GOLGB1: variants seen among roughly 807,000 people sequenced by gnomAD.
The protein encoded by GOLGB1 is golgin subfamily B member 1.
GOLGB1 carries 174 observed loss-of-function variants against 336.9 expected under a neutral mutation model. The observed-to-expected ratio is 0.52, with a 90% CI of 0.46 to 0.59. The LOEUF (loss-of-function observed/expected upper bound fraction) is 0.59. Ranked by LOEUF, GOLGB1 falls within the 20% of genes least tolerant of loss-of-function variation. GOLGB1 has a pLI of 0.00. For missense variants in GOLGB1, 3,331 were observed against 3,645.3 expected, an observed-to-expected ratio of 0.91 and a Z score of 2.22; for synonymous variants, 1,208 against 1,289.2, an observed-to-expected ratio of 0.94 and a Z score of 1.35.
At chr3:121,683,557 T>A (rs1413096206) in intron 14 of GOLGB1, among the ~76,000 whole-genome samples, 1 of 152,096 alleles carries the variant, frequency 6.6e-6, no homozygotes, top group Admixed American at 6.5e-5. Context: ...CGTTGGTAAG[T>A]CCTACCCACA....
intron 13 of GOLGB1, among the ~76,000 whole-genome samples, chr3:121,693,419 C>T (rs548400056): frequency 1.3e-5 from 2 of 152,126 alleles, no homozygotes; most frequent in Non-Finnish European, 2.9e-5. Flanking sequence ...ACCCAGGAGG[C>T]AGAGGTTGCA....
chr3:121,727,293 CAT>C (rs1235174337), intron 4 of GOLGB1, among the ~76,000 whole-genome samples: 981 of 27,548 alleles, frequency 0.036, 42 homozygotes, highest in South Asian at 0.049. Flanking sequence ...CACACACACA[CAT>C]ATATATATAT....
chr3:121,730,029 GAA>G lies in GOLGB1; in HGVS notation c.97-14_97-13del. On this transcript the variant is annotated splice_polypyrimidine_tract_variant and intron_variant, in intron 2 of 21. Coordinates refer to ENST00000614479, the MANE Select transcript of GOLGB1 (RefSeq NM_001366282.2). ...TCTTGGTGTAATTCCTAATATTTAG[GAA>G]AAAAGTTGCCAGTGCACCAGGAAAA... 6.3e-7 allele frequency: 1 copy of G among 1,594,894 alleles called. No homozygotes were observed. Among genetic ancestry groups the G allele is most frequent in the African/African-American group, 1.4e-5 (1 of 73,838 alleles).
At position 121,669,174 on chromosome 3, in the gene GOLGB1, T is replaced by C. The variant is rs761634479; in HGVS notation, c.9321+38A>G. The C allele has an allele frequency of 3.1e-6, 5 of 1,607,706 alleles. No individual in the cohort carries two copies. The East Asian group carries it at 8.9e-5, about 29-fold the overall frequency. On this transcript the variant is annotated intron_variant, in intron 18 of 21. Coordinates refer to ENST00000614479, the MANE Select transcript of GOLGB1 (RefSeq NM_001366282.2). ...GCTTCACCACTTGCACTAAATTTCA[T>C]CACACTTCTCCCAGTCTCTCACCTT...
At chr3:121,738,865 GT>G (rs965342676) in intron 1 of GOLGB1, among the ~76,000 whole-genome samples, 5 of 152,198 alleles carry the variant, frequency 3.3e-5, no homozygotes, top group Non-Finnish European at 7.4e-5. Flanking sequence ...CTGCCATATA[GT>G]TGAACAATGT....
chr3:121,668,823 C>T (rs1939084537), intron 18 of GOLGB1, among the ~76,000 whole-genome samples: 2 of 152,068 alleles, frequency 1.3e-5, no homozygotes, highest in Middle Eastern at 3.4e-3. Context: ...AATTCTCAGT[C>T]TCCTCCAACT....
intron 2 of GOLGB1, 149 bp from the exon 3 acceptor site, chr3:121,730,166 A>G (rs1402332439): frequency 5.2e-6 from 3 of 580,428 alleles, no homozygotes; most frequent in Admixed American, 3.2e-5. Flanking sequence ...AATCATTATC[A>G]TAGCCATTAC....
intron 10 of GOLGB1, among the ~76,000 whole-genome samples, chr3:121,707,469 C>CA (rs879818248): frequency 0.013 from 1,672 of 128,358 alleles, 22 homozygotes; most frequent in African/African-American, 0.039. Flanking sequence ...CTACTAAAAG[C>CA]AAAAAAAAAA....
rs1942859961 is a variant in GOLGB1 at position 121,695,519 on chromosome 3, C to T, written c.5004G>A (p.Gln1668=). The T allele has an allele frequency of 6.2e-7, 1 of 1,614,040 alleles. No homozygotes were observed. Among genetic ancestry groups the T allele is most frequent in the Non-Finnish European group, 8.5e-7 (1 of 1,179,980 alleles). The change falls in exon 13 of 22, where the codon CAG becomes CAA. Residue 1668 remains glutamine, a synonymous_variant. Coordinates refer to ENST00000614479, the MANE Select transcript of GOLGB1 (RefSeq NM_001366282.2). ...TEANKKETEK[Q]LQEAEQEMEE... ...CCATTTCTTGCTCAGCTTCCTGCAA[C>T]TGCTTTTCTGTCTCCTTCTTGTTTG...
rs1943021053 is a variant in GOLGB1 at position 121,697,142 on chromosome 3, G to C, written c.3381C>G (p.Ile1127Met). 1.2e-6 allele frequency: 2 copies of C among 1,613,914 alleles called. No individual in the cohort carries two copies. The highest frequency in any genetic ancestry group is 1.7e-6 in the Non-Finnish European group (2 of 1,179,968). The change falls in exon 13 of 22, where the codon ATC (isoleucine) becomes ATG (methionine). Residue 1127 changes from isoleucine (I) to methionine (M), a missense_variant. Transcript: ENST00000614479. ...CCGTGTTACTTGTGATTAACTTCTG[G>C]ATAATTGCTTGGTTTTCACTGATTT... is the stretch of plus-strand genomic sequence containing the variant. ...QAEISENQAI[I>M]QKLITSNTDA...
Position 121,729,940 on chromosome 3 carries a change from C to T in GOLGB1, c.174G>A (p.Glu58=), listed in dbSNP as rs1211254827. ...TATCTTTTAGCTCCACCACCAATTGCTCTGCATAAGCCAGGCGCTCCTGAA... is the reference window on the plus strand; with the variant it reads ...TATCTTTTAGCTCCACCACCAATTGTTCTGCATAAGCCAGGCGCTCCTGAA... The part of the protein sequence containing the change: ...EDVQERLAYA[E]QLVVELKDII... The change falls in exon 3 of 22, where the codon GAG becomes GAA. Residue 58 remains glutamate (E), a synonymous_variant. Transcript: ENST00000614479. The T allele has an allele frequency of 1.2e-6, 2 of 1,609,544 alleles. No homozygotes were observed. The highest frequency in any genetic ancestry group is 1.7e-6 in the Non-Finnish European group (2 of 1,175,866).
At chr3:121,677,076 A>C in intron 16 of GOLGB1, 46 bp from the exon 17 acceptor site, 1 of 1,610,470 alleles carries the variant, frequency 6.2e-7, no homozygotes, top group South Asian at 1.1e-5. Flanking sequence ...AAGATTGCGC[A>C]TGCTTAATTC....
At chr3:121,687,906 T>A (rs1576321223) in intron 14 of GOLGB1, among the ~76,000 whole-genome samples, 1 of 152,052 alleles carries the variant, frequency 6.6e-6, no homozygotes, top group African/African-American at 2.4e-5. Flanking sequence ...AAGGCCAAGC[T>A]CCCAGGGCAA....
chr3:121,695,538 T>C lies in GOLGB1; in HGVS notation c.4985A>G (p.Lys1662Arg). Residue 1662 changes from lysine to arginine, a missense_variant, in exon 13 of 22, where the codon AAG (lysine) becomes AGG (arginine). Physicochemically the swap from Lys to Arg is conservative, Grantham distance 26. Coordinates refer to ENST00000614479, the MANE Select transcript of GOLGB1 (RefSeq NM_001366282.2). Reference protein sequence around the residue: ...YGKLRSTEANKKETEKQLQEA... With the variant: ...YGKLRSTEANRKETEKQLQEA... ...CTGCAACTGCTTTTCTGTCTCCTTC[T>C]TGTTTGCCTCTGTGCTTCTTAACTT... is the stretch of plus-strand genomic sequence containing the variant. 6.2e-7 allele frequency: 1 copy of C among 1,614,140 alleles called. No individual in the cohort carries two copies. Among genetic ancestry groups the C allele is most frequent in the Non-Finnish European group, 8.5e-7 (1 of 1,180,016 alleles).
At position 121,698,073 on chromosome 3, in the gene GOLGB1, A is replaced by G. The variant is rs1194747269; in HGVS notation, c.2450T>C (p.Ile817Thr). Residue 817 changes from isoleucine to threonine, a missense_variant, in exon 13 of 22, where the codon ATT (isoleucine) becomes ACT (threonine). Physicochemically the swap from Ile to Thr is moderately conservative, Grantham distance 89. Coordinates refer to ENST00000614479, the MANE Select transcript of GOLGB1 (RefSeq NM_001366282.2). The stretch of plus-strand genomic sequence containing the variant: ...ATCCAGTTCATTCTGTAAAACTTCA[A>G]TTTTCACATCTTTAGATTTGGCTTC... Reference protein sequence around the residue: ...SIEAKSKDVKIEVLQNELDDV... With the variant: ...SIEAKSKDVKTEVLQNELDDV... 1 of 1,613,826 alleles carries G rather than the reference A, an allele frequency of 6.2e-7. No individual in the cohort carries two copies. Among genetic ancestry groups the G allele is most frequent in the Non-Finnish European group, 8.5e-7 (1 of 1,179,966 alleles).
chr3:121,729,114 G>T, intron 4 of GOLGB1, 74 bp downstream of exon 4: 2 of 979,446 alleles, frequency 2.0e-6, no homozygotes, highest in East Asian at 2.5e-5. Context: ...CTAAATGTTT[G>T]TGATTGGTGA....
Position 121,696,823 on chromosome 3 carries a change from T to C in GOLGB1, c.3700A>G (p.Ile1234Val). The change falls in exon 13 of 22, where the codon ATT becomes GTT. Residue 1234 changes from isoleucine to valine, a missense_variant. Coordinates refer to ENST00000614479, the MANE Select transcript of GOLGB1 (RefSeq NM_001366282.2). ...TGGAGTTGCCTTAGCTGGTCTCCAA[T>C]ATTCTCATTTTCCTTGCTTTGCTCA... ...FDEQSKENEN[I>V]GDQLRQLQIQ... is the part of the protein sequence containing the mutation. 6.2e-7 allele frequency: 1 copy of C among 1,614,152 alleles called. No homozygotes were observed. Among genetic ancestry groups the C allele is most frequent in the South Asian group, 1.1e-5 (1 of 91,082 alleles).
Position 121,699,823 on chromosome 3 carries a change from C to T in GOLGB1, c.1582G>A (p.Glu528Lys). ...AQNRTGEADREVSEISIVDIA... is the reference protein window; with the variant it reads ...AQNRTGEADRKVSEISIVDIA... Reference sequence around the variant, plus strand: ...AACACATCACTTACCTCACTGACTTCTCTGTCTGCCTCCCCAGTTCTATTC... The same window carrying T: ...AACACATCACTTACCTCACTGACTTTTCTGTCTGCCTCCCCAGTTCTATTC... The change falls in exon 12 of 22, where the codon GAA (glutamate) becomes AAA (lysine). Residue 528 changes from glutamate to lysine, a missense_variant. Coordinates refer to ENST00000614479, the MANE Select transcript of GOLGB1 (RefSeq NM_001366282.2). 1 of 1,598,162 alleles carries T rather than the reference C, an allele frequency of 6.3e-7. No homozygotes were observed. Among genetic ancestry groups the T allele is most frequent in the Non-Finnish European group, 8.6e-7 (1 of 1,166,580 alleles).
chr3:121,716,286 A>T (rs2108112540), intron 9 of GOLGB1, among the ~76,000 whole-genome samples: 1 of 152,278 alleles, frequency 6.6e-6, no homozygotes, highest in Non-Finnish European at 1.5e-5. Flanking sequence ...TTTCACCTGT[A>T]AGACAAGAAA....
Sources: gnomAD v4.1 joint callset for allele counts (sites outside exome capture counted in the v4.1 genomes callset) on GRCh38, gnomAD v4.1.1 for gene constraint, MANE v1.5 for transcripts, NCBI Gene and HGNC (gene_info 2026-07-23, HGNC 2026-07-21) for gene names.